Variants in RRM2 observed in about 807,000 individuals in gnomAD.
RRM2 encodes ribonucleotide reductase regulatory subunit M2.
RRM2 carries 6 observed loss-of-function variants against 45.9 expected under a neutral mutation model. That is an observed-to-expected ratio of 0.13 (90% CI 0.07 to 0.26). RRM2 has a LOEUF of 0.26. RRM2 is among the 10% of genes least tolerant of loss of function. The pLI, the probability that RRM2 is intolerant of heterozygous loss-of-function variation, is 1.00. For synonymous variants in RRM2, 177 were observed against 173.0 expected (o/e 1.02, Z -0.18); for missense variants, 343 against 489.5 (o/e 0.70, Z 2.82).
upstream of RRM2, among the ~76,000 whole-genome samples, chr2:10,136,510 C>T (rs1000031006): frequency 2.0e-5 from 3 of 152,210 alleles, no homozygotes; most frequent in African/African-American, 7.2e-5. Context: ...TGGCTAGTGC[C>T]TGCAATGTCA....
At chr2:10,180,975 C>T (rs1238928702) in intron 3 of RRM2, among the ~76,000 whole-genome samples, 1 of 152,138 alleles carries the variant, frequency 6.6e-6, no homozygotes, top group Non-Finnish European at 1.5e-5. Flanking sequence ...ACATGTTGGC[C>T]AGGCTGGTCT....
intron 3 of RRM2, among the ~76,000 whole-genome samples, chr2:10,193,580 G>C (rs1044896457): frequency 6.6e-6 from 1 of 152,242 alleles, no homozygotes; most frequent in African/African-American, 2.4e-5. Context: ...GGCTCTGCTC[G>C]TGTGGGCACA....
Position 10,204,719 on chromosome 2 carries a change from G to A in RRM2, n.483-5592G>A, listed in dbSNP as rs540713790. On this transcript the variant is annotated intron_variant and non_coding_transcript_variant, in intron 3 of 3. Coordinates refer to the RRM2 transcript ENST00000381786. This position sits in a 1 kb window ranked among gnomAD's most constrained non-coding sequence, Gnocchi z 4.0. ...CTAATTTGTTTAATTACTCATTGCC[G>A]CATCTGTTCTCAATTGCCCTATGCA... Among the ~76,000 whole-genome samples the A allele has an allele frequency of 1.3e-5, 2 of 152,348 alleles. No homozygotes were observed. The highest frequency in any genetic ancestry group is 1.9e-4 in the East Asian group (1 of 5,184).
At chr2:10,144,839 C>T (rs911282462) in intron 3 of RRM2, among the ~76,000 whole-genome samples, 4 of 152,116 alleles carry the variant, frequency 2.6e-5, no homozygotes, top group African/African-American at 9.7e-5. Flanking sequence ...CTCAGCCAGC[C>T]CCTCGAGGGA....
chr2:10,155,815 A>C (rs1663410153), intron 3 of RRM2: 1 of 152,284 alleles, frequency 6.6e-6, no homozygotes, highest in Non-Finnish European at 1.5e-5. Context: ...CCTGGGAAGC[A>C]GCGCTGAGTC....
intron 3 of RRM2, among the ~76,000 whole-genome samples, chr2:10,154,368 T>G (rs1207486302): frequency 1.6e-5 from 2 of 125,638 alleles, no homozygotes; most frequent in Non-Finnish European, 3.2e-5. Context: ...TCCCAGCTAC[T>G]TGGGAGGCTG....
At chr2:10,166,071 G>A (rs1479353683) in intron 3 of RRM2, among the ~76,000 whole-genome samples, 2 of 152,338 alleles carry the variant, frequency 1.3e-5, no homozygotes, top group Middle Eastern at 3.4e-3. Context: ...GGCTCTGGAC[G>A]GTCCTTCTGC....
At chr2:10,138,722 A>T (rs1663031621), upstream of RRM2, among the ~76,000 whole-genome samples, 1 of 152,206 alleles carries the variant, frequency 6.6e-6, no homozygotes, top group African/African-American at 2.4e-5. Flanking sequence ...TAGGATTTGT[A>T]ATCCAGGCCC....
chr2:10,161,056 G>A (rs1199635846), intron 3 of RRM2, among the ~76,000 whole-genome samples: 1 of 152,156 alleles, frequency 6.6e-6, no homozygotes, highest in Non-Finnish European at 1.5e-5. Context: ...CCTGTCCCAG[G>A]CTGGTAGTTC....
At position 10,185,051 on chromosome 2, in the gene RRM2, T is replaced by C. The variant is rs1408486265; in HGVS notation, n.483-25260T>C. 6.6e-6 allele frequency among the ~76,000 whole-genome samples: 1 copy of C among 152,236 alleles called. No individual in the cohort carries two copies. The highest frequency in any genetic ancestry group is 1.9e-4 in the East Asian group (1 of 5,202). On this transcript the variant is annotated intron_variant and non_coding_transcript_variant, in intron 3 of 3. Transcript: ENST00000381786. This position sits in a 1 kb window ranked among gnomAD's most constrained non-coding sequence, Gnocchi z 4.3. ...TATTTACTGGTTTCTTTGATCTATT[T>C]ATAAAAATGAATATTTATAGCAAAT... is the stretch of plus-strand genomic sequence containing the variant.
chr2:10,188,734 G>A (rs894778518), intron 3 of RRM2, among the ~76,000 whole-genome samples: 3 of 152,090 alleles, frequency 2.0e-5, no homozygotes, highest in Non-Finnish European at 4.4e-5. Context: ...GCATTTGTGG[G>A]CCGGTGTTTG....
chr2:10,123,580 A>G, intron 3 of RRM2, 50 bp downstream of exon 3: 1 of 1,576,064 alleles, frequency 6.3e-7, no homozygotes, highest in Non-Finnish European at 8.6e-7. Flanking sequence ...GTCACGCCTC[A>G]GACATAAATG....
intron 3 of RRM2, among the ~76,000 whole-genome samples, chr2:10,178,860 T>A (rs1002036226): frequency 3.3e-5 from 5 of 151,876 alleles, no homozygotes; most frequent in Admixed American, 6.6e-5. Context: ...ATAAGAGAGG[T>A]GAAGGGAGTG....
At chr2:10,202,410 A>G (rs75233118) in intron 3 of RRM2, among the ~76,000 whole-genome samples, 2,777 of 152,334 alleles carry the variant, frequency 0.018, 86 homozygotes, top group African/African-American at 0.063. Context: ...AGAAAGAAAC[A>G]TGAAAAGCGG....
At chr2:10,207,366 C>T (rs865888350) in intron 3 of RRM2, among the ~76,000 whole-genome samples, 6 of 152,182 alleles carry the variant, frequency 3.9e-5, no homozygotes, top group Admixed American at 3.9e-4. Flanking sequence ...CTGCTCAGCC[C>T]GCTCTCCACA....
chr2:10,151,107 C>T (rs1663303610), intron 3 of RRM2, among the ~76,000 whole-genome samples: 1 of 152,228 alleles, frequency 6.6e-6, no homozygotes, highest in South Asian at 2.1e-4. Context: ...GCCACCACGC[C>T]TGGCCTAGCA....
Position 10,129,491 on chromosome 2 carries a change from G to C in RRM2, c.*105G>C. ...AGCCACACCATGAATTGTCCGTAAT[G>C]TTCATTAACAGCATCTTTAAAACTG... On this transcript the variant is annotated 3_prime_UTR_variant, in exon 10 of 10. Transcript: ENST00000304567. This position sits in a 1 kb window ranked among gnomAD's most constrained non-coding sequence, Gnocchi z 4.8. 1 of 1,166,172 alleles carries C rather than the reference G, an allele frequency of 8.6e-7. No individual in the cohort carries two copies. The highest frequency in any genetic ancestry group is 1.5e-5 in the South Asian group (1 of 67,300). The allele number at this position is 1,166,172 out of a possible 1,614,324, so 72.2% of individuals were successfully genotyped here.
chr2:10,128,387 G>T (rs2125307818), intron 7 of RRM2, among the ~76,000 whole-genome samples: 1 of 152,352 alleles, frequency 6.6e-6, no homozygotes, highest in Admixed American at 6.5e-5. Context: ...ACTGGATTGG[G>T]AGATAAGCTG....
chr2:10,198,803 G>T (rs892124024), intron 3 of RRM2: 1 of 152,158 alleles, frequency 6.6e-6, no homozygotes, highest in African/African-American at 2.4e-5. Context: ...AGAGCTTATC[G>T]CAGGTTGGGA....
Sources: gnomAD v4.1 joint callset for allele counts (sites outside exome capture counted in the v4.1 genomes callset) on GRCh38, gnomAD v4.1.1 for gene constraint, Gnocchi (gnomAD v3.1) non-coding constraint, MANE v1.5 for transcripts, NCBI Gene and HGNC (gene_info 2026-07-23, HGNC 2026-07-21) for gene names.